Variants in MIPOL1 observed in about 807,000 individuals in gnomAD.
The protein encoded by MIPOL1 is mirror-image polydactyly 1.
MIPOL1 carries 57 observed loss-of-function variants against 60.9 expected under a neutral mutation model. The observed-to-expected ratio is 0.94, with a 90% CI of 0.76 to 1.17. The LOEUF is 1.17. MIPOL1 is among the 50% of genes most tolerant of loss of function. The probability of loss-of-function intolerance (pLI) is 0.00; values close to 1 mark genes in which losing one functional copy is unlikely to be tolerated. For missense variants in MIPOL1, 551 were observed against 511.6 expected, an observed-to-expected ratio of 1.08 and a Z score of -0.74; for synonymous variants, 179 against 168.8, an observed-to-expected ratio of 1.06 and a Z score of -0.47.
chr14:37,251,504 A>C (rs1974099695), intron 3 of MIPOL1, among the ~76,000 whole-genome samples: 1 of 152,034 alleles, frequency 6.6e-6, no homozygotes, highest in African/African-American at 2.4e-5. Context: ...TTAAGGGGTA[A>C]GTGATGTTTT....
At chr14:37,501,476 C>T (rs1194632427) in intron 12 of MIPOL1, 1 of 152,108 alleles carries the variant, frequency 6.6e-6, no homozygotes, top group Non-Finnish European at 1.5e-5. Flanking sequence ...ATTCTATTTT[C>T]AAAAAATCTT....
intron 12 of MIPOL1, among the ~76,000 whole-genome samples, chr14:37,511,826 T>G (rs1435963724): frequency 6.6e-6 from 1 of 152,148 alleles, no homozygotes; most frequent in Non-Finnish European, 1.5e-5. Flanking sequence ...AGATTTACAG[T>G]GATATGATTC....
chr14:37,280,516 C>T (rs185697814), intron 6 of MIPOL1, among the ~76,000 whole-genome samples: 4 of 152,276 alleles, frequency 2.6e-5, no homozygotes, highest in South Asian at 2.1e-4. Context: ...GCCAATCTAA[C>T]GGGTGAGATG....
intron 11 of MIPOL1, among the ~76,000 whole-genome samples, chr14:37,446,408 A>T (rs1408183986): frequency 6.6e-6 from 1 of 152,168 alleles, no homozygotes; most frequent in Non-Finnish European, 1.5e-5. Context: ...GGCGATCATT[A>T]AAAAGTCAGG....
At chr14:37,219,193 C>G (rs980262955) in intron 1 of MIPOL1, among the ~76,000 whole-genome samples, 14 of 152,092 alleles carry the variant, frequency 9.2e-5, no homozygotes, top group African/African-American at 3.1e-4. Flanking sequence ...TTGCTGAAGT[C>G]AGGCTACAGT....
intron 9 of MIPOL1, among the ~76,000 whole-genome samples, chr14:37,342,656 A>G (rs2090657003): frequency 6.6e-6 from 1 of 151,996 alleles, no homozygotes; most frequent in Non-Finnish European, 1.5e-5. Context: ...TCAGCCTCCC[A>G]AAGTGCAGGG....
chr14:37,242,512 T>C (rs1972514018), intron 1 of MIPOL1, among the ~76,000 whole-genome samples: 1 of 152,214 alleles, frequency 6.6e-6, no homozygotes, highest in Non-Finnish European at 1.5e-5. Flanking sequence ...ACACATAGTA[T>C]ATATAGATCT....
chr14:37,449,599 G>T (rs1278559339), intron 11 of MIPOL1, among the ~76,000 whole-genome samples: 3 of 151,992 alleles, frequency 2.0e-5, no homozygotes, highest in Non-Finnish European at 4.4e-5. Context: ...TAAAATTATG[G>T]CTCCTATCCT....
intron 11 of MIPOL1, among the ~76,000 whole-genome samples, chr14:37,442,088 T>TTGTGTGTGTGTGTG (rs3985271): frequency 1.4e-5 from 2 of 143,714 alleles, no homozygotes; most frequent in African/African-American, 5.2e-5. Context: ...TTCTACTTTG[T>TTGTGTGTGTGTGTG]TGTGTGTGTG....
intron 11 of MIPOL1, among the ~76,000 whole-genome samples, chr14:37,497,692 C>T (rs1015313714): frequency 1.3e-5 from 2 of 152,126 alleles, no homozygotes; most frequent in Non-Finnish European, 2.9e-5. Flanking sequence ...CAATAATATA[C>T]ACATACATAA....
chr14:37,493,965 G>A (rs1206175959), intron 11 of MIPOL1, among the ~76,000 whole-genome samples: 1 of 152,124 alleles, frequency 6.6e-6, no homozygotes, highest in Non-Finnish European at 1.5e-5. Flanking sequence ...CTGAAAATTA[G>A]TAACTTTGGA....
intron 1 of MIPOL1, among the ~76,000 whole-genome samples, chr14:37,209,066 C>CT (rs1314673213): frequency 6.6e-6 from 1 of 152,040 alleles, no homozygotes; most frequent in African/African-American, 2.4e-5. Context: ...AAACTGTAAA[C>CT]TTTATCTACA....
intron 12 of MIPOL1, chr14:37,507,105 A>G (rs1307617255): frequency 6.6e-6 from 1 of 152,154 alleles, no homozygotes. Flanking sequence ...TCAATAAACA[A>G]CAGAAGCTGG....
At chr14:37,387,827 G>C (rs182614360) in intron 10 of MIPOL1, among the ~76,000 whole-genome samples, 108 of 151,836 alleles carry the variant, frequency 7.1e-4, no homozygotes, top group African/African-American at 2.5e-3. Flanking sequence ...TTACAATCAT[G>C]CTTCTCTAAA....
At chr14:37,372,616 G>A (rs2092670279) in intron 10 of MIPOL1, among the ~76,000 whole-genome samples, 2 of 152,000 alleles carry the variant, frequency 1.3e-5, no homozygotes, top group Admixed American at 6.6e-5. Context: ...TGAGCAAGGC[G>A]TGGTGGTGGG....
chr14:37,493,451 A>G (rs2095074052), intron 11 of MIPOL1, among the ~76,000 whole-genome samples: 2 of 152,252 alleles, frequency 1.3e-5, no homozygotes, highest in South Asian at 4.2e-4. Flanking sequence ...AGAAACCAAG[A>G]CAGAAACCAC....
chr14:37,532,693 G>A (rs1459898394), intron 12 of MIPOL1, among the ~76,000 whole-genome samples: 2 of 152,114 alleles, frequency 1.3e-5, no homozygotes, highest in Non-Finnish European at 2.9e-5. Flanking sequence ...TAGTTTAGGT[G>A]TGGGCAGTAT....
chr14:37,257,025 T>G (rs1027672240), intron 3 of MIPOL1, among the ~76,000 whole-genome samples: 1 of 151,854 alleles, frequency 6.6e-6, no homozygotes, highest in Non-Finnish European at 1.5e-5. Flanking sequence ...TACAGTTGAT[T>G]AATGAAATAG....
At chr14:37,266,663 A>G (rs988219006) in intron 3 of MIPOL1, among the ~76,000 whole-genome samples, 9 of 152,178 alleles carry the variant, frequency 5.9e-5, no homozygotes, top group Non-Finnish European at 7.4e-5. Context: ...AGGATGGTCC[A>G]TGGACCACTG....
Sources: gnomAD v4.1 joint callset for allele counts (sites outside exome capture counted in the v4.1 genomes callset) on GRCh38, gnomAD v4.1.1 for gene constraint, MANE v1.5 for transcripts, NCBI Gene and HGNC (gene_info 2026-07-23, HGNC 2026-07-21) for gene names.